CNIH4: variants seen among roughly 807,000 people sequenced by gnomAD.
CNIH4 encodes the protein cornichon family member 4.
Under a neutral mutation model 21.5 loss-of-function variants are expected in CNIH4, and 9 were observed. The ratio of observed to expected loss-of-function variants is 0.42; its 90% CI spans 0.25 to 0.73. The LOEUF (loss-of-function observed/expected upper bound fraction) is 0.73. Ranked by LOEUF, CNIH4 falls within the 30% of genes least tolerant of loss-of-function variation. CNIH4 has a pLI of 0.27. For synonymous variants in CNIH4, 67 were observed against 59.1 expected (o/e 1.13, Z -0.61); for missense variants, 159 against 170.0 (o/e 0.94, Z 0.36).
rs148296712 is a variant in CNIH4 at position 224,362,823 on chromosome 1, T to C, written c.138+2260T>C. On this transcript the variant is annotated intron_variant, in intron 2 of 4. Coordinates refer to ENST00000465271, the MANE Select transcript of CNIH4 (RefSeq NM_014184.4). ...AGGCCTTTCTTGTTTGTTTTGGACA[T>C]CTGATAGGCTCTTTCAATATGGGAA... Among the ~76,000 whole-genome samples, 335 of 152,118 alleles carry C rather than the reference T, an allele frequency of 2.2e-3. 1 individual carries two copies. Among genetic ancestry groups the C allele is most frequent in the African/African-American group, 7.8e-3 (324 of 41,498 alleles).
Position 224,360,350 on chromosome 1 carries a change from G to A in CNIH4, c.70-145G>A, listed in dbSNP as rs931228856. The A allele has an allele frequency of 1.4e-5, 6 of 433,656 alleles. No individual in the cohort carries two copies. In the Admixed American group the frequency reaches 1.8e-4, roughly 13 times the overall value. The allele number at this position is 433,656 out of a possible 1,614,324, so 26.9% of individuals were successfully genotyped here. A position where few individuals can be genotyped will look rare whatever the true frequency, so the allele number is the denominator to read the frequency against. On this transcript the variant is annotated intron_variant, in intron 1 of 4. Coordinates refer to ENST00000465271, the MANE Select transcript of CNIH4 (RefSeq NM_014184.4). ...TTGAAGGAACATGAATGGGAAAATTGAGTTGTCTAATGAGCAAACTTTAGG... is the reference window on the plus strand; with the variant it reads ...TTGAAGGAACATGAATGGGAAAATTAAGTTGTCTAATGAGCAAACTTTAGG...
Position 224,376,702 on chromosome 1 carries a change from T to C in CNIH4, c.*880T>C. 1.0e-6 allele frequency: 1 copy of C among 985,484 alleles called. No individual in the cohort carries two copies. Among genetic ancestry groups the C allele is most frequent in the Non-Finnish European group, 1.2e-6 (1 of 829,958 alleles). 61.0% of individuals were successfully genotyped at this position (985,484 alleles called of 1,614,324 possible). ...TGCCAGATCAACACTTCTATCCCTC[T>C]GCACTGACCACGTTGTGAACTGGGA... On this transcript the variant is annotated 3_prime_UTR_variant, in exon 5 of 5. Coordinates refer to ENST00000465271, the MANE Select transcript of CNIH4 (RefSeq NM_014184.4).
At chr1:224,367,019 A>ATT (rs1225758724) in intron 3 of CNIH4, among the ~76,000 whole-genome samples, 14 of 152,030 alleles carry the variant, frequency 9.2e-5, no homozygotes, top group African/African-American at 3.4e-4. Flanking sequence ...TTTATTTAAT[A>ATT]AATTTAGGAA....
At chr1:224,361,510 T>A (rs1260818690) in intron 2 of CNIH4, among the ~76,000 whole-genome samples, 1 of 151,646 alleles carries the variant, frequency 6.6e-6, no homozygotes, top group African/African-American at 2.4e-5. Flanking sequence ...TCCTGCTGTC[T>A]TGGCAAAGTG....
rs1572137553 is a variant in CNIH4, at chr1:224,376,226, T to G, written c.*404T>G. ...AAGTTAGAGTACAAAACAACACTGT[T>G]GATCTGGACAAAAGAAGAAAAATTA... On this transcript the variant is annotated 3_prime_UTR_variant, in exon 5 of 5. Coordinates refer to ENST00000465271, the MANE Select transcript of CNIH4 (RefSeq NM_014184.4). 1 of 993,812 alleles carries G rather than the reference T, an allele frequency of 1.0e-6. No homozygotes were observed. The highest frequency in any genetic ancestry group is 1.2e-6 in the Non-Finnish European group (1 of 835,768). 61.6% of individuals were successfully genotyped at this position (993,812 alleles called of 1,614,324 possible).
In CNIH4 at chr1:224,378,852, T is replaced by C; in HGVS notation, c.*3030T>C. On this transcript the variant is annotated 3_prime_UTR_variant, in exon 5 of 5. Coordinates refer to ENST00000465271, the MANE Select transcript of CNIH4 (RefSeq NM_014184.4). ...GTTCAGGGTGTTGTAACTGGGAACA[T>C]CTGAATGCTGAGGCCTAGAGATCGT... The C allele has an allele frequency of 2.5e-6, 1 of 407,250 alleles. No individual in the cohort carries two copies. The highest frequency in any genetic ancestry group is 4.6e-6 in the Non-Finnish European group (1 of 218,510). 25.2% of individuals were successfully genotyped at this position (407,250 alleles called of 1,614,324 possible). A position where few individuals can be genotyped will look rare whatever the true frequency, so the allele number is the denominator to read the frequency against.
chr1:224,363,093 G>T lies in CNIH4; in HGVS notation c.138+2530G>T, dbSNP rs1395763023. Among the ~76,000 whole-genome samples, 4 of 151,444 alleles carry T rather than the reference G, an allele frequency of 2.6e-5. No homozygotes were observed. In the East Asian group the frequency reaches 5.8e-4, roughly 22 times the overall value. On this transcript the variant is annotated intron_variant, in intron 2 of 4. Coordinates refer to ENST00000465271, the MANE Select transcript of CNIH4 (RefSeq NM_014184.4). Reference sequence around the variant, plus strand: ...GAGTTTTGCACTTGTTGTCTAGGCTGGAGTGCAGTGGTGCTATCTTGGCTC... The same window carrying T: ...GAGTTTTGCACTTGTTGTCTAGGCTTGAGTGCAGTGGTGCTATCTTGGCTC...
chr1:224,373,005 G>A (rs906126481), intron 4 of CNIH4, among the ~76,000 whole-genome samples: 36 of 152,070 alleles, frequency 2.4e-4, no homozygotes, highest in African/African-American at 8.7e-4. Flanking sequence ...CCCATTAGTG[G>A]ATTAGATTAA....
At chr1:224,361,475 G>T (rs1672287069) in intron 2 of CNIH4, among the ~76,000 whole-genome samples, 1 of 151,462 alleles carries the variant, frequency 6.6e-6, no homozygotes, top group African/African-American at 2.4e-5. Context: ...ATCTAGACTG[G>T]CTTTGAACTC....
At chr1:224,365,658 G>A (rs1004105442) in intron 2 of CNIH4, among the ~76,000 whole-genome samples, 1 of 152,200 alleles carries the variant, frequency 6.6e-6, no homozygotes, top group African/African-American at 2.4e-5. Flanking sequence ...AGGATAAAAA[G>A]TAATTGAAAT....
rs925046353 is a variant in CNIH4 at position 224,379,248 on chromosome 1, G to T, written c.*3426G>T. ...GTCTTTGAAGTTAAGAGCTAAGAAA[G>T]CTTCCTATAGTAGTATCTCCCATGG... On this transcript the variant is annotated 3_prime_UTR_variant, in exon 5 of 5. Transcript: ENST00000465271. 2.3e-5 allele frequency: 16 copies of T among 700,026 alleles called. No homozygotes were observed. In the South Asian group the frequency reaches 2.7e-4, roughly 12 times the overall value. The allele number at this position is 700,026 out of a possible 1,614,324, so 43.4% of individuals were successfully genotyped here. A position where few individuals can be genotyped will look rare whatever the true frequency, so the allele number is the denominator to read the frequency against.
intron 3 of CNIH4, among the ~76,000 whole-genome samples, chr1:224,369,325 C>T (rs867264502): frequency 6.6e-6 from 1 of 152,142 alleles, no homozygotes; most frequent in Non-Finnish European, 1.5e-5. Flanking sequence ...GTAATCCCAG[C>T]ACTTTGGGAG....
At chr1:224,366,529 T>G (rs978763315) in intron 3 of CNIH4, among the ~76,000 whole-genome samples, 2 of 150,812 alleles carry the variant, frequency 1.3e-5, no homozygotes, top group Non-Finnish European at 3.0e-5. Flanking sequence ...TTTTGTATTT[T>G]TAGTAGACAG....
rs1672827360 is a variant in CNIH4 at position 224,378,044 on chromosome 1, T to C, written c.*2222T>C. ...CAAAGCCAGGAAAGTGGGGGATCAC[T>C]GTAGTTAAATTTTTTTTTTTTTTAA... On this transcript the variant is annotated 3_prime_UTR_variant, in exon 5 of 5. Transcript: ENST00000465271. 1 of 152,076 alleles carries C rather than the reference T, an allele frequency of 6.6e-6. No homozygotes were observed. 9.4% of individuals were successfully genotyped at this position (152,076 alleles called of 1,614,324 possible).
intron 3 of CNIH4, among the ~76,000 whole-genome samples, chr1:224,368,079 C>T (rs1672518002): frequency 6.6e-6 from 1 of 152,164 alleles, no homozygotes; most frequent in African/African-American, 2.4e-5. Context: ...GCCTATAATC[C>T]CAGCACTTTA....
rs1162987349 is a variant in CNIH4, at chr1:224,379,243, A to G, written c.*3421A>G. 1 of 738,202 alleles carries G rather than the reference A, an allele frequency of 1.4e-6. No individual in the cohort carries two copies. The highest frequency in any genetic ancestry group is 2.7e-5 in the East Asian group (1 of 37,020). The allele number at this position is 738,202 out of a possible 1,614,324, so 45.7% of individuals were successfully genotyped here. On this transcript the variant is annotated 3_prime_UTR_variant, in exon 5 of 5. Coordinates refer to ENST00000465271, the MANE Select transcript of CNIH4 (RefSeq NM_014184.4). ...ACCTGGTCTTTGAAGTTAAGAGCTA[A>G]GAAAGCTTCCTATAGTAGTATCTCC... is the stretch of plus-strand genomic sequence containing the variant.
At chr1:224,358,205 T>TA (rs1397831355) in intron 1 of CNIH4, among the ~76,000 whole-genome samples, 2 of 152,354 alleles carry the variant, frequency 1.3e-5, no homozygotes, top group African/African-American at 4.8e-5. Context: ...ATCTTTAAAA[T>TA]AGGAAATGTT....
Position 224,375,895 on chromosome 1 carries a change from A to C in CNIH4, c.*73A>C. 6.3e-7 allele frequency: 1 copy of C among 1,596,272 alleles called. No individual in the cohort carries two copies. Among genetic ancestry groups the C allele is most frequent in the Non-Finnish European group, 8.5e-7 (1 of 1,170,908 alleles). ...TGAGGAGCCAGAGACTTCTTAAATC[A>C]TCCTTAGAACCGTGACCATAGCAGT... On this transcript the variant is annotated 3_prime_UTR_variant, in exon 5 of 5. Coordinates refer to ENST00000465271, the MANE Select transcript of CNIH4 (RefSeq NM_014184.4).
intron 1 of CNIH4, among the ~76,000 whole-genome samples, chr1:224,359,517 A>G (rs1672212285): frequency 6.6e-6 from 1 of 152,214 alleles, no homozygotes; most frequent in Non-Finnish European, 1.5e-5. Flanking sequence ...AACAGAAATA[A>G]AACAAATTGG....
Sources: gnomAD v4.1 joint callset for allele counts (sites outside exome capture counted in the v4.1 genomes callset) on GRCh38, gnomAD v4.1.1 for gene constraint, MANE v1.5 for transcripts, NCBI Gene and HGNC (gene_info 2026-07-23, HGNC 2026-07-21) for gene names.